The following DSCAM variants were observed in gnomAD, a reference collection of about 807,000 sequenced individuals.
The protein encoded by DSCAM is cell adhesion molecule DSCAM.
DSCAM carries 47 observed loss-of-function variants against 217.7 expected under a neutral mutation model. The observed-to-expected ratio is 0.22, with a 90% CI of 0.17 to 0.28. DSCAM has a LOEUF of 0.28. Ranked by LOEUF, DSCAM falls within the 10% of genes least tolerant of loss-of-function variation. The pLI, the probability that DSCAM is intolerant of heterozygous loss-of-function variation, is 1.00. For synonymous variants in DSCAM, 1,056 were observed against 1,015.3 expected (o/e 1.04, Z -0.76); for missense variants, 2,080 against 2,618.3 (o/e 0.79, Z 4.49).
chr21:40,693,641 C>T (rs907333523), intron 2 of DSCAM, among the ~76,000 whole-genome samples: 1 of 152,080 alleles, frequency 6.6e-6, no homozygotes, highest in Non-Finnish European at 1.5e-5. Flanking sequence ...GGCAATTTTT[C>T]TGGGAAGCCT....
intron 18 of DSCAM, among the ~76,000 whole-genome samples, chr21:40,139,619 C>CA (rs1568962215): frequency 6.6e-6 from 1 of 151,584 alleles, no homozygotes; most frequent in Non-Finnish European, 1.5e-5. Context: ...TTTTGGGGGC[C>CA]AAAAAGATAT....
rs561144249 is a variant in DSCAM, at chr21:40,687,727, A to G, written c.508+5083T>C. Among the ~76,000 whole-genome samples, 14 of 152,262 alleles carry G rather than the reference A, an allele frequency of 9.2e-5. No individual in the cohort carries two copies. The South Asian group carries it at 1.0e-3, about 11-fold the overall frequency. The stretch of plus-strand genomic sequence containing the variant: ...CAACCTCCTTTCTGAAACCTTCTCT[A>G]CTTCCCCAGGCAAAACCGTGTGTGT... On this transcript the variant is annotated intron_variant, in intron 3 of 32. Coordinates refer to ENST00000400454, the MANE Select transcript of DSCAM (RefSeq NM_001389.5).
chr21:40,365,100 A>T (rs1402998392), intron 4 of DSCAM, among the ~76,000 whole-genome samples: 1 of 151,974 alleles, frequency 6.6e-6, no homozygotes, highest in Non-Finnish European at 1.5e-5. Context: ...TGTGATGATT[A>T]ATATTGAGTG....
intron 1 of DSCAM, among the ~76,000 whole-genome samples, chr21:40,781,061 T>G (rs2091539805): frequency 6.6e-6 from 1 of 151,968 alleles, no homozygotes; most frequent in Non-Finnish European, 1.5e-5. Context: ...CAGGCTGGAG[T>G]GCAGTGGCAC....
At chr21:40,777,625 G>T (rs2091500583) in intron 1 of DSCAM, among the ~76,000 whole-genome samples, 1 of 152,146 alleles carries the variant, frequency 6.6e-6, no homozygotes, top group Non-Finnish European at 1.5e-5. Context: ...AAATAGAATT[G>T]TGATGAAGAA....
At chr21:40,435,209 C>A (rs923489604) in intron 3 of DSCAM, among the ~76,000 whole-genome samples, 10 of 152,190 alleles carry the variant, frequency 6.6e-5, no homozygotes, top group African/African-American at 2.4e-4. Context: ...AGCTGCCAAG[C>A]GGAATCCTCT....
intron 26 of DSCAM, among the ~76,000 whole-genome samples, chr21:40,076,866 C>A (rs993938364): frequency 1.3e-5 from 2 of 152,244 alleles, no homozygotes; most frequent in Non-Finnish European, 2.9e-5. Context: ...AAGATACTTA[C>A]TACTCAAATG....
intron 1 of DSCAM, among the ~76,000 whole-genome samples, chr21:40,736,030 T>C (rs914396749): frequency 2.0e-5 from 3 of 152,196 alleles, no homozygotes; most frequent in Admixed American, 6.5e-5. Context: ...GGGGAACCTA[T>C]GAATCTCCCC....
chr21:40,423,005 G>A (rs1192906971), intron 3 of DSCAM, among the ~76,000 whole-genome samples: 2 of 152,162 alleles, frequency 1.3e-5, no homozygotes, highest in Non-Finnish European at 2.9e-5. Flanking sequence ...TAGTCCTGAT[G>A]TAATAAGTAC....
chr21:40,680,030 G>T (rs2090382873), intron 3 of DSCAM, among the ~76,000 whole-genome samples: 1 of 152,080 alleles, frequency 6.6e-6, no homozygotes, highest in South Asian at 2.1e-4. Context: ...GAAGAAGAAG[G>T]ACAATGACAA....
intron 11 of DSCAM, among the ~76,000 whole-genome samples, chr21:40,197,098 T>C (rs1003471722): frequency 6.6e-6 from 1 of 151,820 alleles, no homozygotes; most frequent in African/African-American, 2.4e-5. Flanking sequence ...TTCTCCCCTT[T>C]CTCCTTAATT....
intron 3 of DSCAM, among the ~76,000 whole-genome samples, chr21:40,518,222 G>A (rs545506904): frequency 8.3e-5 from 12 of 144,484 alleles, no homozygotes; most frequent in Admixed American, 6.7e-4. Context: ...CTGACCATTT[G>A]CAAGAGACCC....
chr21:40,583,216 G>A (rs952564548), intron 3 of DSCAM, among the ~76,000 whole-genome samples: 3 of 152,128 alleles, frequency 2.0e-5, no homozygotes, highest in Non-Finnish European at 4.4e-5. Context: ...AGCCAGCAAC[G>A]CAAAGGTTAC....
At chr21:40,067,633 GA>G (rs1203508925) in intron 27 of DSCAM, among the ~76,000 whole-genome samples, 2 of 151,304 alleles carry the variant, frequency 1.3e-5, no homozygotes, top group African/African-American at 2.4e-5. Context: ...AGTATGTTTT[GA>G]AAAAAAATAA....
chr21:40,737,095 G>A (rs1047598570), intron 1 of DSCAM, among the ~76,000 whole-genome samples: 2 of 152,138 alleles, frequency 1.3e-5, no homozygotes, highest in African/African-American at 4.8e-5. Flanking sequence ...AGAATTATGG[G>A]AGTTAGGACA....
At chr21:40,477,325 G>A (rs2075945555) in intron 3 of DSCAM, among the ~76,000 whole-genome samples, 1 of 151,810 alleles carries the variant, frequency 6.6e-6, no homozygotes, top group Non-Finnish European at 1.5e-5. Context: ...AAAGAAATAG[G>A]AAAAAGGAGA....
intron 11 of DSCAM, among the ~76,000 whole-genome samples, chr21:40,255,802 C>T (rs889678859): frequency 6.6e-6 from 1 of 152,214 alleles, no homozygotes; most frequent in African/African-American, 2.4e-5. Context: ...TAGCTGACAG[C>T]TGGCAGGGAA....
At chr21:40,284,810 G>A (rs1040486746) in intron 10 of DSCAM, among the ~76,000 whole-genome samples, 1 of 152,120 alleles carries the variant, frequency 6.6e-6, no homozygotes, top group African/African-American at 2.4e-5. Flanking sequence ...CACCATCCAG[G>A]TGTGACACCG....
At chr21:40,541,654 G>A (rs1042665439) in intron 3 of DSCAM, among the ~76,000 whole-genome samples, 11 of 152,036 alleles carry the variant, frequency 7.2e-5, no homozygotes, top group African/African-American at 1.4e-4. Context: ...ATATAAGTGC[G>A]TAAGTATATA....
Sources: gnomAD v4.1 joint callset for allele counts (sites outside exome capture counted in the v4.1 genomes callset) on GRCh38, gnomAD v4.1.1 for gene constraint, MANE v1.5 for transcripts, NCBI Gene and HGNC (gene_info 2026-07-23, HGNC 2026-07-21) for gene names.